Variants in FRMPD4 observed in about 807,000 individuals in gnomAD.
FRMPD4 encodes FERM and PDZ domain-containing protein 4.
In FRMPD4, 22 loss-of-function variants were observed where a neutral mutation model predicts 94.1. The ratio of observed to expected loss-of-function variants is 0.23; its 90% CI spans 0.17 to 0.33. The LOEUF (loss-of-function observed/expected upper bound fraction) is 0.33, where lower values mean the gene tolerates loss of function less well. Ranked by LOEUF, FRMPD4 falls within the 10% of genes least tolerant of loss-of-function variation. FRMPD4 has a pLI of 1.00. For missense variants in FRMPD4, 1,111 were observed against 1,339.9 expected (o/e 0.83, Z 2.67); for synonymous variants, 631 against 548.6 (o/e 1.15, Z -2.10).
intron 1 of FRMPD4, among the ~76,000 whole-genome samples, chrX:12,399,794 C>G (rs751355904): frequency 9.0e-6 from 1 of 111,380 alleles, no homozygotes; most frequent in African/African-American, 3.3e-5. Context: ...GAAGAAAATT[C>G]ATATATAAGT....
chrX:11,917,446 T>C (rs2054030709), intron 3 of FRMPD4, among the ~76,000 whole-genome samples: 1 of 112,012 alleles, frequency 8.9e-6, no homozygotes, highest in Non-Finnish European at 1.9e-5. Flanking sequence ...TGCTTGTATG[T>C]TCATCACAGC....
At chrX:11,846,694 T>G (rs1479275760) in intron 1 of FRMPD4, among the ~76,000 whole-genome samples, 2 of 107,795 alleles carry the variant, frequency 1.9e-5, no homozygotes, top group Non-Finnish European at 3.8e-5. Flanking sequence ...TATAGATCAA[T>G]GGAACAGAAC....
At chrX:11,896,082 T>C (rs748512904) in intron 3 of FRMPD4, among the ~76,000 whole-genome samples, 9 of 112,761 alleles carry the variant, frequency 8.0e-5, no homozygotes, top group Non-Finnish European at 1.5e-4. Flanking sequence ...CATTGAGTTC[T>C]GAATGATTTC....
At chrX:12,487,491 G>A (rs1175696869) in intron 1 of FRMPD4, among the ~76,000 whole-genome samples, 2 of 111,898 alleles carry the variant, frequency 1.8e-5, no homozygotes, top group East Asian at 5.6e-4. Context: ...GACAAAAAAA[G>A]AAAAGGAAGA....
At chrX:12,329,778 A>T (rs1234575275) in intron 1 of FRMPD4, among the ~76,000 whole-genome samples, 3 of 107,317 alleles carry the variant, frequency 2.8e-5, no homozygotes, top group African/African-American at 1.0e-4. Flanking sequence ...CGTTATAATC[A>T]AGCTAGGCAA....
chrX:12,166,994 A>G (rs1218832848), intron 1 of FRMPD4, among the ~76,000 whole-genome samples: 9 of 110,740 alleles, frequency 8.1e-5, no homozygotes, highest in Non-Finnish European at 1.7e-4. Flanking sequence ...GATCTTTTCA[A>G]TGAAACCAGC....
chrX:12,708,399 G>A (rs748354168), intron 13 of FRMPD4, among the ~76,000 whole-genome samples: 18 of 107,131 alleles, frequency 1.7e-4, no homozygotes, highest in African/African-American at 6.2e-4. Flanking sequence ...GAACCCAGAG[G>A]TGGAGGTTCC....
chrX:12,047,314 A>G (rs1409266628), intron 3 of FRMPD4, among the ~76,000 whole-genome samples: 1 of 110,681 alleles, frequency 9.0e-6, no homozygotes, highest in Admixed American at 9.7e-5. Context: ...AGAAATTATA[A>G]TAGAATTATA....
At chrX:12,114,744 A>G (rs2055393236) in intron 3 of FRMPD4, among the ~76,000 whole-genome samples, 1 of 112,502 alleles carries the variant, frequency 8.9e-6, no homozygotes. Flanking sequence ...TTTAATTTTT[A>G]TTTCCTTTTT....
chrX:12,670,406 G>T (rs1236919228), intron 4 of FRMPD4, among the ~76,000 whole-genome samples: 2 of 111,916 alleles, frequency 1.8e-5, no homozygotes, highest in Non-Finnish European at 3.8e-5. Context: ...ATAGACCAAT[G>T]CAACAGAACA....
intron 1 of FRMPD4, among the ~76,000 whole-genome samples, chrX:12,308,742 C>T (rs1171831364): frequency 1.8e-5 from 2 of 111,321 alleles, no homozygotes; most frequent in African/African-American, 6.6e-5. Flanking sequence ...CTGTTCCTGG[C>T]TTACCAAGGC....
intron 1 of FRMPD4, among the ~76,000 whole-genome samples, chrX:12,422,491 T>C (rs2056896425): frequency 8.9e-6 from 1 of 111,996 alleles, no homozygotes; most frequent in Admixed American, 9.4e-5. Flanking sequence ...TTCAGATGAA[T>C]AAACTAGGAT....
At chrX:12,133,956 C>G (rs1172328350), upstream of FRMPD4, among the ~76,000 whole-genome samples, 1 of 112,311 alleles carries the variant, frequency 8.9e-6, no homozygotes, top group Non-Finnish European at 1.9e-5. Flanking sequence ...CCTTCTTGCC[C>G]CTGCAAATTC....
chrX:12,152,460 A>G (rs1323519682), intron 1 of FRMPD4, among the ~76,000 whole-genome samples: 2 of 111,534 alleles, frequency 1.8e-5, no homozygotes, highest in Middle Eastern at 4.8e-3. Context: ...ACTAATAAAA[A>G]TGGTATCAGA....
intron 4 of FRMPD4, among the ~76,000 whole-genome samples, chrX:12,654,306 T>C (rs1274055599): frequency 9.0e-6 from 1 of 111,674 alleles, no homozygotes; most frequent in Non-Finnish European, 1.9e-5. Flanking sequence ...CTCTCTTCTT[T>C]TTCAATTTGT....
At chrX:11,981,777 C>G (rs1053394615) in intron 3 of FRMPD4, among the ~76,000 whole-genome samples, 1 of 111,131 alleles carries the variant, frequency 9.0e-6, no homozygotes, top group Admixed American at 9.6e-5. Context: ...CATTTTTGCT[C>G]TCCATTAGAC....
intron 4 of FRMPD4, among the ~76,000 whole-genome samples, chrX:12,654,922 T>G (rs1399005015): frequency 8.9e-6 from 1 of 112,458 alleles, no homozygotes; most frequent in Admixed American, 9.4e-5. Flanking sequence ...TACTGAAATG[T>G]GAACTGAGAA....
intron 3 of FRMPD4, among the ~76,000 whole-genome samples, chrX:12,042,201 A>T (rs1483611486): frequency 1.4e-4 from 15 of 103,893 alleles, no homozygotes; most frequent in African/African-American, 5.2e-4. Flanking sequence ...ATTTAAAGTC[A>T]TTTTCTTTTG....
At chrX:12,118,173 C>T (rs1339482773) in intron 3 of FRMPD4, among the ~76,000 whole-genome samples, 5 of 111,641 alleles carry the variant, frequency 4.5e-5, no homozygotes, top group Non-Finnish European at 7.5e-5. Flanking sequence ...CTACTTGACT[C>T]CTTTTGACCT....
Sources: allele counts gnomAD v4.1 joint callset (sites outside exome capture counted in the v4.1 genomes callset), GRCh38; gene constraint gnomAD v4.1.1; transcripts MANE v1.5; gene names NCBI Gene and HGNC (gene_info 2026-07-23, HGNC 2026-07-21).